Variants in KAZN observed in about 807,000 individuals in gnomAD.
KAZN encodes kazrin.
KAZN carries 40 observed loss-of-function variants against 87.4 expected under a neutral mutation model. The ratio of observed to expected loss-of-function variants is 0.46; its 90% CI spans 0.36 to 0.60. The LOEUF (loss-of-function observed/expected upper bound fraction) is 0.60. KAZN is among the 20% of genes least tolerant of loss of function. The pLI is 0.00. For missense variants in KAZN, 898 were observed against 1,073.9 expected (o/e 0.84, Z 2.29); for synonymous variants, 466 against 458.3 (o/e 1.02, Z -0.22).
In KAZN at chr1:14,970,128, A is replaced by T. The variant is rs554593201; in HGVS notation, c.418+9253A>T. ...GGTGCCTGGCCCACAAGCACTTTTTAAAAATAATTAATAATCATCATCATT... is the reference window on the plus strand; with the variant it reads ...GGTGCCTGGCCCACAAGCACTTTTTTAAAATAATTAATAATCATCATCATT... On this transcript the variant is annotated intron_variant, in intron 2 of 14. Coordinates refer to ENST00000376030, the MANE Select transcript of KAZN (RefSeq NM_201628.3). Among the ~76,000 whole-genome samples, 12 of 152,332 alleles carry T rather than the reference A, an allele frequency of 7.9e-5. 1 individual carries two copies. The South Asian group carries it at 2.3e-3, about 29-fold the overall frequency.
intron 2 of KAZN, among the ~76,000 whole-genome samples, chr1:14,979,826 T>C (rs979037340): frequency 2.6e-5 from 4 of 152,306 alleles, no homozygotes; most frequent in African/African-American, 2.4e-5. Flanking sequence ...CCCTTGGTTG[T>C]GAAGATTAAA....
In KAZN at chr1:14,960,769, G is replaced by A. The variant is rs751510719; in HGVS notation, c.312G>A (p.Glu104=). The change falls in exon 2 of 15, where the codon GAG becomes GAA. Residue 104 remains glutamate (E), a synonymous_variant. Transcript: ENST00000376030. ...QMKEMLAKDL[E]ESQGGKSSEV... Reference sequence around the variant, plus strand: ...AGGAGATGTTGGCGAAGGACCTGGAGGAGTCGCAGGGCGGCAAGTCCTCTG... The same window carrying A: ...AGGAGATGTTGGCGAAGGACCTGGAAGAGTCGCAGGGCGGCAAGTCCTCTG... The A allele has an allele frequency of 1.1e-5, 17 of 1,608,090 alleles. No individual in the cohort carries two copies. Among genetic ancestry groups the A allele is most frequent in the Non-Finnish European group, 1.4e-5 (16 of 1,177,546 alleles).
rs1198694064 is a variant in KAZN, at chr1:14,407,288, C to G, written c.250-191695C>G. Among the ~76,000 whole-genome samples the G allele has an allele frequency of 5.3e-5, 8 of 152,090 alleles. No homozygotes were observed. In the East Asian group the frequency reaches 1.5e-3, roughly 29 times the overall value. On this transcript the variant is annotated intron_variant, in intron 2 of 16. Coordinates refer to the KAZN transcript ENST00000636203. The stretch of plus-strand genomic sequence containing the variant: ...AGGACTTGCTGGGTCATAGGATAGA[C>G]AAGTATTTAATTTTATAAGATTGAG...
chr1:14,354,714 G>A (rs1046636760), intron 2 of KAZN, among the ~76,000 whole-genome samples: 4 of 148,826 alleles, frequency 2.7e-5, no homozygotes, highest in Admixed American at 6.7e-5. Flanking sequence ...GCCAAATGTT[G>A]GCAAGGACCT....
chr1:14,950,146 C>A (rs1662308078), intron 1 of KAZN, among the ~76,000 whole-genome samples: 1 of 152,074 alleles, frequency 6.6e-6, no homozygotes. Context: ...GTGGAAGAAA[C>A]CCTGTGGAGG....
intron 1 of KAZN, among the ~76,000 whole-genome samples, chr1:14,941,581 GT>G (rs1245546017): frequency 6.6e-6 from 1 of 151,866 alleles, no homozygotes; most frequent in South Asian, 2.1e-4. Context: ...GGAGGTTCCG[GT>G]TTTTTTTACC....
At position 13,952,334 on chromosome 1, in the gene KAZN, G is replaced by GATGATAATA. The variant is rs1419105829; in HGVS notation, c.91+58580_91+58581insGATAATAAT. On this transcript the variant is annotated intron_variant, in intron 1 of 16. Transcript: ENST00000636203. ...CTTGGAGTCTTAGGTATAAAATGGA[G>GATGATAATA]ATAATAATAATAATAATAATAATAA... 2.7e-4 allele frequency among the ~76,000 whole-genome samples: 38 copies of GATGATAATA among 143,076 alleles called. 1 individual carries two copies. The highest frequency in any genetic ancestry group is 7.7e-4 in the Admixed American group (11 of 14,324). 93.9% of individuals were successfully genotyped at this position (143,076 alleles called of 152,430 possible).
chr1:14,859,246 C>T (rs1322026619), intron 1 of KAZN, among the ~76,000 whole-genome samples: 5 of 152,094 alleles, frequency 3.3e-5, no homozygotes, highest in South Asian at 2.1e-4. Context: ...TCTAAGTAAC[C>T]GCTCAGTGCA....
At position 15,094,095 on chromosome 1, in the gene KAZN, C is replaced by G. The variant is rs1023434176; in HGVS notation, c.1223-85C>G. On this transcript the variant is annotated intron_variant, in intron 8 of 14. Transcript: ENST00000376030. The surrounding 1 kb of genome is among the most constrained non-coding windows in gnomAD (Gnocchi z 4.5). ...ATGGAGGGGAGGATGTCCCCACCAC[C>G]CTCTGCCTCCCGGGGGTATGGCCTG... The G allele has an allele frequency of 8.0e-7, 1 of 1,250,368 alleles. No homozygotes were observed. The highest frequency in any genetic ancestry group is 1.1e-6 in the Non-Finnish European group (1 of 885,628). 77.5% of individuals were successfully genotyped at this position (1,250,368 alleles called of 1,614,324 possible).
At chr1:14,309,641 G>C (rs1038705009) in intron 2 of KAZN, among the ~76,000 whole-genome samples, 1 of 152,120 alleles carries the variant, frequency 6.6e-6, no homozygotes, top group Admixed American at 6.5e-5. Flanking sequence ...GCTCACTGTG[G>C]CCTCCACCTC....
rs527255681 is a variant in KAZN at position 14,599,724 on chromosome 1, C to T, written c.226+501C>T. Among the ~76,000 whole-genome samples, 2 of 152,292 alleles carry T rather than the reference C, an allele frequency of 1.3e-5. No homozygotes were observed. The highest frequency in any genetic ancestry group is 6.5e-5 in the Admixed American group (1 of 15,294). On this transcript the variant is annotated intron_variant, in intron 1 of 14. Transcript: ENST00000376030. This position sits in a 1 kb window ranked among gnomAD's most constrained non-coding sequence, Gnocchi z 4.4. The stretch of plus-strand genomic sequence containing the variant: ...GCCAAATCCCTTGGCTCAGTTGCAT[C>T]TGGACTTTATTTTCTTCTCATTTGA...
intron 1 of KAZN, among the ~76,000 whole-genome samples, chr1:14,766,883 T>C (rs902543504): frequency 2.0e-5 from 3 of 151,860 alleles, no homozygotes; most frequent in African/African-American, 7.3e-5. Context: ...ACAGTAAACA[T>C]TCAGTGCCCT....
At chr1:14,626,513 C>T (rs1473351892) in intron 1 of KAZN, among the ~76,000 whole-genome samples, 1 of 152,176 alleles carries the variant, frequency 6.6e-6, no homozygotes, top group Non-Finnish European at 1.5e-5. Flanking sequence ...CCCGGGGTTA[C>T]CATCCCGGCT....
At chr1:14,431,466 AG>A (rs1666066823) in intron 2 of KAZN, among the ~76,000 whole-genome samples, 1 of 152,204 alleles carries the variant, frequency 6.6e-6, no homozygotes, top group Non-Finnish European at 1.5e-5. Flanking sequence ...GGCTAATGTT[AG>A]ATGTCCACTT....
At chr1:14,533,627 CT>C (rs1672329471) in intron 2 of KAZN, among the ~76,000 whole-genome samples, 1 of 152,140 alleles carries the variant, frequency 6.6e-6, no homozygotes, top group South Asian at 2.1e-4. Flanking sequence ...TTGCTTTTAA[CT>C]TAGCAGAGGG....
At chr1:14,145,698 A>G (rs985508372) in intron 1 of KAZN, among the ~76,000 whole-genome samples, 2 of 151,878 alleles carry the variant, frequency 1.3e-5, no homozygotes, top group African/African-American at 2.4e-5. Flanking sequence ...CTCCTGCCTC[A>G]TCCTCCCAAG....
intron 2 of KAZN, among the ~76,000 whole-genome samples, chr1:14,512,746 A>G (rs1670979695): frequency 6.6e-6 from 1 of 152,186 alleles, no homozygotes; most frequent in South Asian, 2.1e-4. Context: ...TGCTGGGTTT[A>G]TGAGCGAAAT....
chr1:14,560,911 G>T (rs1674214765), intron 2 of KAZN, among the ~76,000 whole-genome samples: 1 of 152,140 alleles, frequency 6.6e-6, no homozygotes, highest in Non-Finnish European at 1.5e-5. Context: ...ACAGGAAGTT[G>T]GATGGTACCT....
intron 3 of KAZN, among the ~76,000 whole-genome samples, chr1:15,038,951 G>C (rs543459144): frequency 9.3e-5 from 14 of 150,640 alleles, no homozygotes; most frequent in African/African-American, 3.5e-4. Context: ...ACACGAATGT[G>C]CTATTACCAA....
Sources: allele counts gnomAD v4.1 joint callset (sites outside exome capture counted in the v4.1 genomes callset), GRCh38; gene constraint gnomAD v4.1.1; non-coding constraint Gnocchi (gnomAD v3.1); transcripts MANE v1.5; gene names NCBI Gene and HGNC (gene_info 2026-07-23, HGNC 2026-07-21).